Variants in SANBR observed in about 807,000 individuals in gnomAD.
SANBR encodes the protein SANT and BTB domain regulator of class switch recombination.
Under a neutral mutation model 101.8 loss-of-function variants are expected in SANBR, and 77 were observed. That is an observed-to-expected ratio of 0.76 (90% CI 0.63 to 0.91). The LOEUF (loss-of-function observed/expected upper bound fraction) is 0.91. Ranked by LOEUF, SANBR falls within the 40% of genes least tolerant of loss-of-function variation. The pLI is 0.00. For synonymous variants in SANBR, 279 were observed against 274.7 expected, an observed-to-expected ratio of 1.02 and a Z score of -0.15; for missense variants, 875 against 853.0, an observed-to-expected ratio of 1.03 and a Z score of -0.32.
chr2:61,102,929 G>A (rs1683358264), intron 12 of SANBR, among the ~76,000 whole-genome samples: 1 of 151,958 alleles, frequency 6.6e-6, no homozygotes, highest in Admixed American at 6.6e-5. Context: ...ATATAATTTG[G>A]TACACATGAG....
downstream of SANBR, among the ~76,000 whole-genome samples, chr2:61,128,013 C>T (rs1285311457): frequency 1.3e-5 from 2 of 152,198 alleles, no homozygotes; most frequent in Non-Finnish European, 2.9e-5. Context: ...TGGCTCACGC[C>T]TGTAATCCCA....
rs1573675099 is a variant in SANBR, at chr2:61,123,543, C to T, written c.*1381C>T. On this transcript the variant is annotated 3_prime_UTR_variant, in exon 22 of 22. Transcript: ENST00000402291. ...GACTTTTATTTTCGAAAGAAAATGT[C>T]TTGTAGTACATATTATATGTAAGTA... is the stretch of plus-strand genomic sequence containing the variant. 1.0e-6 allele frequency: 1 copy of T among 961,462 alleles called. No homozygotes were observed. The highest frequency in any genetic ancestry group is 1.2e-6 in the Non-Finnish European group (1 of 808,258). 59.6% of individuals were successfully genotyped at this position (961,462 alleles called of 1,614,324 possible).
intron 11 of SANBR, among the ~76,000 whole-genome samples, chr2:61,095,959 C>G (rs190387170): frequency 1.4e-3 from 216 of 152,266 alleles, no homozygotes; most frequent in African/African-American, 5.0e-3. Context: ...CACCCTTAAT[C>G]ATCCAGTGGT....
chr2:61,088,453 T>C lies in SANBR; in HGVS notation c.1073T>C (p.Val358Ala), dbSNP rs774544889. ...KINVDRRGNIVYIHIRDKTWD... is the reference protein window; with the variant it reads ...KINVDRRGNIAYIHIRDKTWD... ...AATGTGGATCGACGTGGAAATATTG[T>C]CTATATTCACATAAGGTGTCGTGAA... is the stretch of plus-strand genomic sequence containing the variant. The change falls in exon 10 of 22, where the codon GTC becomes GCC. Residue 358 changes from valine to alanine, a missense_variant. Val to Ala is a moderately conservative substitution (Grantham distance 64). Coordinates refer to ENST00000402291, the MANE Select transcript of SANBR (RefSeq NM_001129993.3). The C allele has an allele frequency of 6.2e-7, 1 of 1,603,012 alleles. No homozygotes were observed. Among genetic ancestry groups the C allele is most frequent in the African/African-American group, 1.3e-5 (1 of 74,554 alleles).
chr2:61,080,645 C>T (rs114396421), intron 6 of SANBR, among the ~76,000 whole-genome samples: 2,962 of 151,850 alleles, frequency 0.02, 97 homozygotes, highest in African/African-American at 0.067. Context: ...GTCATTAACC[C>T]GGGAGGCGGA....
At chr2:61,107,453 T>G (rs1428852165) in intron 14 of SANBR, among the ~76,000 whole-genome samples, 1 of 152,176 alleles carries the variant, frequency 6.6e-6, no homozygotes, top group African/African-American at 2.4e-5. Flanking sequence ...AAAACTTGAT[T>G]CCTTTGACTC....
chr2:61,089,162 T>A, intron 10 of SANBR: 1 of 985,078 alleles, frequency 1.0e-6, no homozygotes, highest in Non-Finnish European at 1.2e-6. Context: ...AGGAAAATTG[T>A]CTTTAGCATT....
intron 5 of SANBR, chr2:61,075,103 A>G (rs1681696066): frequency 6.6e-6 from 1 of 152,030 alleles, no homozygotes; most frequent in African/African-American, 2.4e-5. Context: ...TGGACCTCCA[A>G]TAATGTACTT....
intron 11 of SANBR, among the ~76,000 whole-genome samples, chr2:61,094,534 T>G (rs1682930918): frequency 6.6e-6 from 1 of 152,180 alleles, no homozygotes. Flanking sequence ...TTGGAGGATG[T>G]TTGTGGTCTA....
At chr2:61,106,171 C>T (rs1212499955) in intron 13 of SANBR, among the ~76,000 whole-genome samples, 1 of 151,930 alleles carries the variant, frequency 6.6e-6, no homozygotes, top group African/African-American at 2.4e-5. Context: ...GCGGGTGGAT[C>T]ACCTGATGTC....
chr2:61,081,461 A>G lies in SANBR; in HGVS notation c.680A>G (p.Asn227Ser). The change falls in exon 7 of 22, where the codon AAT (asparagine) becomes AGT (serine). Residue 227 changes from asparagine to serine, a missense_variant. Transcript: ENST00000402291. The part of the protein sequence containing the change: ...DCEMPTLEPG[N>S]VISILISSEF... ...TTTTTTTTTTTTTTAGAGCCAGGAAATGTCATTTCAATTCTTATTTCTTCG... is the reference window on the plus strand; with the variant it reads ...TTTTTTTTTTTTTTAGAGCCAGGAAGTGTCATTTCAATTCTTATTTCTTCG... The G allele has an allele frequency of 6.4e-7, 1 of 1,567,124 alleles. No homozygotes were observed. Among genetic ancestry groups the G allele is most frequent in the Non-Finnish European group, 8.6e-7 (1 of 1,157,682 alleles).
intron 8 of SANBR, among the ~76,000 whole-genome samples, chr2:61,083,868 C>CAAA (rs773025883): frequency 8.7e-6 from 1 of 115,228 alleles, no homozygotes. Context: ...GACTCCGTCT[C>CAAA]AAAAAAAAAA....
intron 16 of SANBR, among the ~76,000 whole-genome samples, chr2:61,115,161 A>G (rs1323110551): frequency 6.6e-6 from 1 of 152,138 alleles, no homozygotes; most frequent in African/African-American, 2.4e-5. Context: ...GTGAAGCCAT[A>G]TGGGCCTGGA....
intron 5 of SANBR, among the ~76,000 whole-genome samples, chr2:61,074,612 C>A (rs113819903): frequency 6.6e-6 from 1 of 151,988 alleles, no homozygotes; most frequent in Non-Finnish European, 1.5e-5. Flanking sequence ...CCATGGTGGC[C>A]GGCCTGGTCT....
chr2:61,073,974 AGTTTTGTATAGTTTTGTATT>A (rs1344425016), intron 5 of SANBR, among the ~76,000 whole-genome samples: 29 of 23,428 alleles, frequency 1.2e-3, no homozygotes, highest in Admixed American at 0.011. Context: ...AAGTTTTGAT[AGTTTTGTATAGTTTTGTATT>A]GTTTTGCCTA....
Position 61,124,211 on chromosome 2 carries a change from C to T in SANBR, c.*2049C>T. 9.2e-6 allele frequency: 9 copies of T among 975,748 alleles called. No individual in the cohort carries two copies. The highest frequency in any genetic ancestry group is 1.1e-5 in the Non-Finnish European group (9 of 821,080). 60.4% of individuals were successfully genotyped at this position (975,748 alleles called of 1,614,324 possible). A position where few individuals can be genotyped will look rare whatever the true frequency, so the allele number is the denominator to read the frequency against. ...TTAATAGCATTTCTTTCGCCAGATACTTTAATATTTCACCTTACATTAATC... is the reference window on the plus strand; with the variant it reads ...TTAATAGCATTTCTTTCGCCAGATATTTTAATATTTCACCTTACATTAATC... On this transcript the variant is annotated 3_prime_UTR_variant, in exon 22 of 22. Transcript: ENST00000402291.
At chr2:61,126,185 G>A (rs1573678380), downstream of SANBR, among the ~76,000 whole-genome samples, 1 of 152,116 alleles carries the variant, frequency 6.6e-6, no homozygotes, top group Admixed American at 6.6e-5. Flanking sequence ...TTCAGTAAAT[G>A]GCATTATTGC....
At chr2:61,107,059 C>G (rs1683606288) in intron 14 of SANBR, among the ~76,000 whole-genome samples, 1 of 151,420 alleles carries the variant, frequency 6.6e-6, no homozygotes, top group Non-Finnish European at 1.5e-5. Flanking sequence ...CCAAGTTTTG[C>G]TGGGAGGCTG....
At chr2:61,135,429 G>C (rs932139074) in intron 21 of SANBR, among the ~76,000 whole-genome samples, 4 of 152,168 alleles carry the variant, frequency 2.6e-5, no homozygotes, top group Non-Finnish European at 4.4e-5. Context: ...ATCTAGTTTT[G>C]TCCAATGAAT....
Sources: gnomAD v4.1 joint callset for allele counts (sites outside exome capture counted in the v4.1 genomes callset) on GRCh38, gnomAD v4.1.1 for gene constraint, MANE v1.5 for transcripts, NCBI Gene and HGNC (gene_info 2026-07-23, HGNC 2026-07-21) for gene names.